The following MYO3B variants were observed in gnomAD, a reference collection of about 807,000 sequenced individuals.
MYO3B encodes the protein myosin IIIB, also known as myosin-IIIb.
Under a neutral mutation model 174.6 loss-of-function variants are expected in MYO3B, and 156 were observed. The ratio of observed to expected loss-of-function variants is 0.89; its 90% CI spans 0.78 to 1.02. The LOEUF is 1.02. Ranked by LOEUF, MYO3B falls within the 50% of genes least tolerant of loss-of-function variation. The pLI, the probability that MYO3B is intolerant of heterozygous loss-of-function variation, is 0.00. For synonymous variants in MYO3B, 563 were observed against 569.1 expected (o/e 0.99, Z 0.15); for missense variants, 1,632 against 1,639.4 (o/e 1.00, Z 0.08).
In MYO3B at chr2:170,401,559, C is replaced by A; in HGVS notation, c.1997C>A (p.Thr666Asn). 1.2e-6 allele frequency: 2 copies of A among 1,614,196 alleles called. No individual in the cohort carries two copies. The highest frequency in any genetic ancestry group is 1.7e-5 in the Admixed American group (1 of 60,032). ...CACTGTGTGGTCACCCGGGGCGAGACCATCATCCGTGCCAACACTGTAGAC... is the reference window on the plus strand; with the variant it reads ...CACTGTGTGGTCACCCGGGGCGAGAACATCATCCGTGCCAACACTGTAGAC... ...TSHCVVTRGETIIRANTVDRA... is the reference protein window; with the variant it reads ...TSHCVVTRGENIIRANTVDRA... The change falls in exon 18 of 35, where the codon ACC becomes AAC. Residue 666 changes from threonine (T) to asparagine (N), a missense_variant. By Grantham distance (65) the Thr-to-Asn change is moderately conservative. Coordinates refer to ENST00000408978, the MANE Select transcript of MYO3B (RefSeq NM_138995.5).
chr2:170,191,559 G>A (rs7579831), intron 1 of MYO3B, among the ~76,000 whole-genome samples: 8,282 of 152,150 alleles, frequency 0.054, 551 homozygotes, highest in East Asian at 0.3. Context: ...TGCTTCCTCC[G>A]TGGATGCTGG....
At chr2:170,381,923 C>T (rs2094338509) in intron 9 of MYO3B, 93 bp from the exon 10 acceptor site, 6 of 1,021,824 alleles carry the variant, frequency 5.9e-6, no homozygotes, top group Admixed American at 1.8e-5. Context: ...GAACATATCA[C>T]GTGATAAGAT....
chr2:170,357,394 T>TTA (rs1185350946), intron 8 of MYO3B, among the ~76,000 whole-genome samples: 2 of 148,134 alleles, frequency 1.4e-5, no homozygotes, highest in Admixed American at 6.8e-5. Context: ...ATATTATATT[T>TTA]TATATATATG....
At chr2:170,416,368 C>CA (rs1158717831) in intron 22 of MYO3B, among the ~76,000 whole-genome samples, 1 of 151,816 alleles carries the variant, frequency 6.6e-6, no homozygotes, top group East Asian at 1.9e-4. Flanking sequence ...ACTAAAAATA[C>CA]AAAAAATTAG....
intron 1 of MYO3B, among the ~76,000 whole-genome samples, chr2:170,181,348 A>G (rs1464868028): frequency 6.6e-6 from 1 of 152,160 alleles, no homozygotes; most frequent in Non-Finnish European, 1.5e-5. Context: ...TATAAATTCC[A>G]TCAGTTTTTT....
At position 170,443,934 on chromosome 2, in the gene MYO3B, T is replaced by G. The variant is rs761691956; in HGVS notation, c.2651-33T>G. ...CATGATCCTATTTCTTAACTTTTCC[T>G]TTAATTTATGTTCTTTGTGGTCTCT... On this transcript the variant is annotated intron_variant, in intron 22 of 34. Coordinates refer to ENST00000408978, the MANE Select transcript of MYO3B (RefSeq NM_138995.5). 6 of 1,570,658 alleles carry G rather than the reference T, an allele frequency of 3.8e-6. No homozygotes were observed. In the Admixed American group the frequency reaches 5.0e-5, roughly 13 times the overall value.
intron 28 of MYO3B, among the ~76,000 whole-genome samples, chr2:170,502,869 C>T (rs1263573437): frequency 6.6e-6 from 1 of 152,226 alleles, no homozygotes; most frequent in African/African-American, 2.4e-5. Context: ...CTTCTCAGAA[C>T]TCTTAGACCA....
In MYO3B at chr2:170,653,163, T is replaced by G. The variant is rs777552729; in HGVS notation, c.*42T>G. Reference sequence around the variant, plus strand: ...CTAAATCTGTCCAGAGTAGGAACATTCATGGTAATCGACTGTCTGTCATTG... The same window carrying G: ...CTAAATCTGTCCAGAGTAGGAACATGCATGGTAATCGACTGTCTGTCATTG... On this transcript the variant is annotated 3_prime_UTR_variant, in exon 35 of 35. Coordinates refer to ENST00000408978, the MANE Select transcript of MYO3B (RefSeq NM_138995.5). 7 of 1,611,086 alleles carry G rather than the reference T, an allele frequency of 4.3e-6. No homozygotes were observed. The highest frequency in any genetic ancestry group is 1.3e-5 in the African/African-American group (1 of 74,804).
At chr2:170,422,062 A>G (rs1334920833) in intron 22 of MYO3B, among the ~76,000 whole-genome samples, 2 of 152,228 alleles carry the variant, frequency 1.3e-5, no homozygotes, top group Non-Finnish European at 2.9e-5. Context: ...TTTGATTTAA[A>G]GTTCTGAGCA....
chr2:170,528,595 G>A (rs1053488886), intron 30 of MYO3B, among the ~76,000 whole-genome samples: 8 of 151,992 alleles, frequency 5.3e-5, no homozygotes, highest in African/African-American at 1.2e-4. Flanking sequence ...TGATAGAGAC[G>A]GAGTTTCACC....
At chr2:170,524,690 G>A (rs183704079) in intron 30 of MYO3B, 345 of 325,094 alleles carry the variant, frequency 1.1e-3, no homozygotes, top group African/African-American at 7.3e-3. Flanking sequence ...TACCATGTTG[G>A]TCAGGCTGAT....
At chr2:170,508,199 C>T (rs1204256451) in intron 28 of MYO3B, among the ~76,000 whole-genome samples, 3 of 152,108 alleles carry the variant, frequency 2.0e-5, no homozygotes. Context: ...CAGTTTTCTC[C>T]ATTATGAACC....
chr2:170,237,153 T>C (rs1056768999), intron 7 of MYO3B, among the ~76,000 whole-genome samples: 1 of 152,178 alleles, frequency 6.6e-6, no homozygotes, highest in African/African-American at 2.4e-5. Context: ...TCACAGCGAT[T>C]AGAGGAGCAG....
intron 22 of MYO3B, among the ~76,000 whole-genome samples, chr2:170,421,962 CCT>C (rs1443912001): frequency 1.3e-5 from 2 of 152,106 alleles, no homozygotes; most frequent in African/African-American, 4.8e-5. Context: ...TTTCTCCTAC[CCT>C]CTCAGCTATG....
intron 22 of MYO3B, chr2:170,411,715 A>G (rs536508952): frequency 6.6e-6 from 1 of 152,324 alleles, no homozygotes; most frequent in East Asian, 1.9e-4. Flanking sequence ...CACTTTCCAG[A>G]CTATTGAAGA....
chr2:170,398,296 A>G (rs1041491100), intron 16 of MYO3B, among the ~76,000 whole-genome samples: 3 of 152,002 alleles, frequency 2.0e-5, no homozygotes, highest in African/African-American at 7.3e-5. Context: ...GCATATGGCA[A>G]AGTATGTGGG....
At chr2:170,457,538 C>T (rs1258859234) in intron 23 of MYO3B, among the ~76,000 whole-genome samples, 1 of 151,954 alleles carries the variant, frequency 6.6e-6, no homozygotes, top group Non-Finnish European at 1.5e-5. Context: ...ATACATTAGC[C>T]TAGGCCTACA....
chr2:170,344,244 G>A (rs1391255664), intron 8 of MYO3B: 3 of 152,302 alleles, frequency 2.0e-5, no homozygotes, highest in Admixed American at 1.3e-4. Flanking sequence ...GAGGCGGGTG[G>A]ATCACAAGGT....
In MYO3B at chr2:170,235,993, C is replaced by T. The variant is rs2093065339; in HGVS notation, c.606C>T (p.Val202=). 1 of 1,613,846 alleles carries T rather than the reference C, an allele frequency of 6.2e-7. No individual in the cohort carries two copies. The highest frequency in any genetic ancestry group is 1.3e-5 in the African/African-American group (1 of 74,908). The change falls in exon 7 of 35, where the codon GTC becomes GTT. Residue 202 remains valine (V), a splice_region_variant and synonymous_variant. Transcript: ENST00000408978. ...CATGTCCTGCTTTTGTCCAATAGGT[C>T]ATTGCCTGTGAGCAGCAGTATGACT... ...VGTPFWMAPE[V]IACEQQYDSS...
Sources: allele counts gnomAD v4.1 joint callset (sites outside exome capture counted in the v4.1 genomes callset), GRCh38; gene constraint gnomAD v4.1.1; transcripts MANE v1.5; gene names NCBI Gene and HGNC (gene_info 2026-07-23, HGNC 2026-07-21).